Variants in ADARB2 observed in about 807,000 individuals in gnomAD.
The protein encoded by ADARB2 is adenosine deaminase RNA specific B2 (inactive).
A neutral mutation model predicts 62.2 loss-of-function variants in ADARB2; 25 were observed. The ratio of observed to expected loss-of-function variants is 0.40; its 90% CI spans 0.29 to 0.56. The LOEUF is 0.56. Among genes scored for constraint, ADARB2 ranks in the 20% least tolerant of loss-of-function variants. The probability of loss-of-function intolerance (pLI) is 0.43; values close to 1 mark genes in which losing one functional copy is unlikely to be tolerated. For missense variants in ADARB2, 1,071 were observed against 1,077.4 expected, an observed-to-expected ratio of 0.99 and a Z score of 0.08; for synonymous variants, 572 against 500.8, an observed-to-expected ratio of 1.14 and a Z score of -1.90.
intron 3 of ADARB2, among the ~76,000 whole-genome samples, chr10:1,316,618 T>C (rs547588891): frequency 2.0e-5 from 3 of 152,200 alleles, no homozygotes; most frequent in African/African-American, 7.2e-5. Context: ...TTCAGAGCAG[T>C]ACTTATTAGA....
At chr10:1,659,558 C>G (rs189515448) in intron 1 of ADARB2, among the ~76,000 whole-genome samples, 1 of 152,238 alleles carries the variant, frequency 6.6e-6, no homozygotes, top group Non-Finnish European at 1.5e-5. Context: ...ATTCTCAGCG[C>G]GTCTCCAGCT....
intron 1 of ADARB2, among the ~76,000 whole-genome samples, chr10:1,441,742 G>T (rs1014417695): frequency 6.6e-6 from 1 of 152,096 alleles, no homozygotes; most frequent in African/African-American, 2.4e-5. Flanking sequence ...GCTTAATAAT[G>T]TATAGAATCT....
intron 1 of ADARB2, among the ~76,000 whole-genome samples, chr10:1,688,103 T>C (rs1834618909): frequency 6.6e-6 from 1 of 152,248 alleles, no homozygotes; most frequent in Non-Finnish European, 1.5e-5. Context: ...TGTTGTCCCA[T>C]TGTCTGGGCA....
intron 1 of ADARB2, among the ~76,000 whole-genome samples, chr10:1,511,960 T>TCAA (rs1348995531): frequency 1.4e-5 from 2 of 147,662 alleles, no homozygotes; most frequent in Non-Finnish European, 1.5e-5. Context: ...ATACCAAGAC[T>TCAA]TTGATGCTGT....
At chr10:1,292,896 G>C (rs1831479585) in intron 3 of ADARB2, 1 of 151,566 alleles carries the variant, frequency 6.6e-6, no homozygotes, top group South Asian at 2.1e-4. Context: ...GTAACTGGAG[G>C]GGAAAATCCA....
At chr10:1,475,864 T>C (rs922818029) in intron 1 of ADARB2, among the ~76,000 whole-genome samples, 3 of 152,188 alleles carry the variant, frequency 2.0e-5, no homozygotes, top group South Asian at 4.1e-4. Context: ...CCCCCACAAC[T>C]GGAGGTAATT....
At chr10:1,283,306 G>A (rs72762918) in intron 3 of ADARB2, among the ~76,000 whole-genome samples, 3,272 of 152,290 alleles carry the variant, frequency 0.021, 49 homozygotes, top group Non-Finnish European at 0.033. Flanking sequence ...CATTGAAATC[G>A]TGCTACTTGC....
chr10:1,264,886 T>C (rs1831179649), intron 4 of ADARB2, among the ~76,000 whole-genome samples: 1 of 152,174 alleles, frequency 6.6e-6, no homozygotes, highest in African/African-American at 2.4e-5. Flanking sequence ...TTAGTTTAAA[T>C]GGGAAAGAAT....
At chr10:1,203,876 T>G (rs1247386814) in intron 7 of ADARB2, among the ~76,000 whole-genome samples, 1 of 152,140 alleles carries the variant, frequency 6.6e-6, no homozygotes, top group Admixed American at 6.5e-5. Context: ...GAGAAGTTGA[T>G]AGAAATGCAG....
chr10:1,479,852 A>G (rs1047527033), intron 1 of ADARB2, among the ~76,000 whole-genome samples: 2 of 152,208 alleles, frequency 1.3e-5, no homozygotes, highest in Admixed American at 6.5e-5. Flanking sequence ...TCTCAATATC[A>G]AGACAAAACA....
At chr10:1,605,143 C>G (rs1005384298) in intron 1 of ADARB2, among the ~76,000 whole-genome samples, 3 of 152,242 alleles carry the variant, frequency 2.0e-5, no homozygotes, top group African/African-American at 4.8e-5. Context: ...TTCAAACAGA[C>G]CCTCAGGGCA....
chr10:1,191,330 G>A (rs1003204704), intron 8 of ADARB2, among the ~76,000 whole-genome samples: 7 of 152,214 alleles, frequency 4.6e-5, no homozygotes, highest in African/African-American at 7.2e-5. Flanking sequence ...GGGGATGCAC[G>A]GGGCACCCGG....
At chr10:1,371,649 C>T (rs11250472) in intron 2 of ADARB2, among the ~76,000 whole-genome samples, 102,732 of 151,890 alleles carry the variant, frequency 0.68, 36,945 homozygotes, top group Non-Finnish European at 0.82. Context: ...AGGGCATGAA[C>T]AGACATTTCT....
At chr10:1,670,910 CG>C (rs34740061) in intron 1 of ADARB2, among the ~76,000 whole-genome samples, 10 of 152,094 alleles carry the variant, frequency 6.6e-5, no homozygotes, top group Non-Finnish European at 1.3e-4. Flanking sequence ...CTGGAAGGGA[CG>C]GGGGCAGAAC....
In ADARB2 at chr10:1,622,833, C is replaced by T. The variant is rs572176256; in HGVS notation, c.100+114218G>A. ...AGTACTTCAGCACCTAGGCACCCAC[C>T]TCGGAGGAATGAAAACACGTCCACG... On this transcript the variant is annotated intron_variant, in intron 1 of 9. Transcript: ENST00000381312. 2.0e-5 allele frequency among the ~76,000 whole-genome samples: 3 copies of T among 152,226 alleles called. No homozygotes were observed. The East Asian group carries it at 5.8e-4, about 29-fold the overall frequency.
rs190533995 is a variant in ADARB2 at position 1,573,720 on chromosome 10, G to A, written c.100+163331C>T. ...TCGTTATGAGGTTTTCCATGCAGCAGGCACCCAGCAGGACGGTGCTCTACC... is the reference window on the plus strand; with the variant it reads ...TCGTTATGAGGTTTTCCATGCAGCAAGCACCCAGCAGGACGGTGCTCTACC... On this transcript the variant is annotated intron_variant, in intron 1 of 9. Transcript: ENST00000381312. 1.2e-3 allele frequency among the ~76,000 whole-genome samples: 188 copies of A among 152,290 alleles called. 1 individual carries two copies. Among genetic ancestry groups the A allele is most frequent in the Non-Finnish European group, 1.9e-3 (132 of 68,022 alleles).
chr10:1,187,858 T>G (rs1172989762), intron 8 of ADARB2: 1 of 438,396 alleles, frequency 2.3e-6, no homozygotes, highest in East Asian at 7.1e-5. Flanking sequence ...CAGGGTGTGG[T>G]CCCATGTGTC....
At chr10:1,324,339 T>C (rs1831824045) in intron 3 of ADARB2, among the ~76,000 whole-genome samples, 1 of 152,160 alleles carries the variant, frequency 6.6e-6, no homozygotes, top group Non-Finnish European at 1.5e-5. Context: ...TGTTTATTAT[T>C]AAACTAAACG....
At chr10:1,686,369 A>G (rs898020894) in intron 1 of ADARB2, among the ~76,000 whole-genome samples, 1 of 152,204 alleles carries the variant, frequency 6.6e-6, no homozygotes, top group Non-Finnish European at 1.5e-5. Flanking sequence ...GTGCTGGGAG[A>G]GTGAGAACCA....
Sources: gnomAD v4.1 joint callset for allele counts (sites outside exome capture counted in the v4.1 genomes callset) on GRCh38, gnomAD v4.1.1 for gene constraint, MANE v1.5 for transcripts, NCBI Gene and HGNC (gene_info 2026-07-23, HGNC 2026-07-21) for gene names.